Variants in SCN9A observed in about 807,000 individuals in gnomAD.
SCN9A encodes the protein sodium channel protein type 9 subunit alpha.
SCN9A carries 131 observed loss-of-function variants against 187.0 expected under a neutral mutation model. That is an observed-to-expected ratio of 0.70 (90% CI 0.61 to 0.81). SCN9A has a LOEUF of 0.81. Ranked by LOEUF, SCN9A falls within the 30% of genes least tolerant of loss-of-function variation. SCN9A has a pLI of 0.00. For synonymous variants in SCN9A, 809 were observed against 808.6 expected, an observed-to-expected ratio of 1.00 and a Z score of -0.01; for missense variants, 2,252 against 2,396.6, an observed-to-expected ratio of 0.94 and a Z score of 1.26.
At chr2:166,280,886 A>C (rs1697455438) in intron 13 of SCN9A, among the ~76,000 whole-genome samples, 1 of 152,166 alleles carries the variant, frequency 6.6e-6, no homozygotes. Context: ...TAAACAGGAG[A>C]ACTATGTTTC....
chr2:166,207,202 G>T (rs1693847964), intron 24 of SCN9A, among the ~76,000 whole-genome samples: 1 of 152,064 alleles, frequency 6.6e-6, no homozygotes, highest in East Asian at 1.9e-4. Flanking sequence ...TATTTTCAAG[G>T]ATTTATAGTT....
Position 166,311,715 on chromosome 2 carries a change from A to C in SCN9A, c.42T>G (p.His14Gln). 1 of 1,611,596 alleles carries C rather than the reference A, an allele frequency of 6.2e-7. No individual in the cohort carries two copies. Among genetic ancestry groups the C allele is most frequent in the Non-Finnish European group, 8.5e-7 (1 of 1,178,268 alleles). ...TGAGGGCAAGAGACTGTTTTGTGAA[A>C]TGGACAAAGCTCTGAGGTCCTGGGG... is the stretch of plus-strand genomic sequence containing the variant. The part of the protein sequence containing the change: ...LPPPGPQSFV[H>Q]FTKQSLALIE... The change falls in exon 2 of 27, where the codon CAT becomes CAG. Residue 14 changes from histidine (H) to glutamine (Q), a missense_variant. By Grantham distance (24) the His-to-Gln change is conservative. This residue lies in a region of SCN9A where 1,013 missense variants were observed against 997.4 expected (regional missense o/e 1.02). Transcript: ENST00000642356.
chr2:166,256,204 A>G (rs1004864637), intron 17 of SCN9A, among the ~76,000 whole-genome samples: 5 of 151,362 alleles, frequency 3.3e-5, no homozygotes, highest in African/African-American at 1.2e-4. Context: ...AAATGTGAAC[A>G]TTATCCTCTT....
chr2:166,235,472 T>C (rs1397580025), intron 20 of SCN9A, among the ~76,000 whole-genome samples: 1 of 152,146 alleles, frequency 6.6e-6, no homozygotes, highest in African/African-American at 2.4e-5. Context: ...TAAGTAGTTC[T>C]GAAATCTGAA....
Position 166,196,278 on chromosome 2 carries a change from T to A in SCN9A, c.*2394A>T, listed in dbSNP as rs1693245539. On this transcript the variant is annotated 3_prime_UTR_variant, in exon 27 of 27. Coordinates refer to ENST00000642356, the MANE Select transcript of SCN9A (RefSeq NM_001365536.1). ...TACTTAATAAGCTCTTTCTTCCAAA[T>A]ATTATTTTTAATTGATAAAAAGTCA... 6.6e-6 allele frequency: 1 copy of A among 152,130 alleles called. No homozygotes were observed. Among genetic ancestry groups the A allele is most frequent in the Non-Finnish European group, 1.5e-5 (1 of 68,024 alleles). 9.4% of individuals were successfully genotyped at this position (152,130 alleles called of 1,614,324 possible).
intron 24 of SCN9A, among the ~76,000 whole-genome samples, chr2:166,213,620 A>G (rs980752975): frequency 3.3e-5 from 5 of 152,160 alleles, no homozygotes; most frequent in Non-Finnish European, 5.9e-5. Flanking sequence ...AACTTTGAAG[A>G]GGAAAGAACA....
At chr2:166,362,229 TAACA>T (rs1387265409) in intron 1 of SCN9A, among the ~76,000 whole-genome samples, 1 of 152,064 alleles carries the variant, frequency 6.6e-6, no homozygotes, top group Non-Finnish European at 1.5e-5. Context: ...ATGAGTTTAC[TAACA>T]AACCTTTTGC....
At chr2:166,204,519 C>A (rs1025933763) in intron 24 of SCN9A, 55 bp from the exon 25 acceptor site, 3 of 1,093,302 alleles carry the variant, frequency 2.7e-6, no homozygotes, top group Admixed American at 2.3e-5. Context: ...TTGTCTACAT[C>A]TTTCTATAGA....
chr2:166,240,679 A>T (rs1695526880), intron 19 of SCN9A, among the ~76,000 whole-genome samples: 1 of 152,084 alleles, frequency 6.6e-6, no homozygotes, highest in African/African-American at 2.4e-5. Flanking sequence ...TTCTGATCAC[A>T]TTTTCTGTTT....
chr2:166,221,658 G>A (rs560813092), intron 24 of SCN9A, among the ~76,000 whole-genome samples: 61 of 152,224 alleles, frequency 4.0e-4, no homozygotes, highest in African/African-American at 1.4e-3. Flanking sequence ...TTAGCCTCCC[G>A]AGTTGCTGGG....
chr2:166,306,484 A>G, intron 4 of SCN9A, 26 bp downstream of exon 4: 1 of 1,242,292 alleles, frequency 8.0e-7, no homozygotes, highest in Non-Finnish European at 1.2e-6. Context: ...CCAAAACTAT[A>G]TTAAAATGTA....
chr2:166,214,146 C>T (rs1003795260), intron 24 of SCN9A, among the ~76,000 whole-genome samples: 11 of 152,016 alleles, frequency 7.2e-5, no homozygotes, highest in African/African-American at 2.7e-4. Context: ...TTTTGTAGAA[C>T]CCAACTTTTA....
chr2:166,349,104 G>C (rs1307393128), intron 1 of SCN9A, among the ~76,000 whole-genome samples: 1 of 150,708 alleles, frequency 6.6e-6, no homozygotes, highest in African/African-American at 2.5e-5. Context: ...TTCAGGATGG[G>C]CAACAAGAGC....
At chr2:166,292,903 C>T (rs772788998) in intron 9 of SCN9A, among the ~76,000 whole-genome samples, 5 of 152,080 alleles carry the variant, frequency 3.3e-5, no homozygotes, top group Non-Finnish European at 5.9e-5. Context: ...ATCCCAAGCA[C>T]GCATGGAAAA....
chr2:166,352,257 G>A (rs1324743007), intron 1 of SCN9A, among the ~76,000 whole-genome samples: 1 of 152,106 alleles, frequency 6.6e-6, no homozygotes, highest in Non-Finnish European at 1.5e-5. Context: ...CTGACTTATG[G>A]ATGATTCCCC....
At position 166,198,490 on chromosome 2, in the gene SCN9A, CA is replaced by C. The variant is rs1382290161; in HGVS notation, c.*181del. 8 of 560,070 alleles carry C rather than the reference CA, an allele frequency of 1.4e-5. No individual in the cohort carries two copies. In the African/African-American group the frequency reaches 1.5e-4, roughly 11 times the overall value. The allele number at this position is 560,070 out of a possible 1,614,324, so 34.7% of individuals were successfully genotyped here. ...TCTCTTACGATTCTTAAAGAATCAT[CA>C]GTGCAAAAATAACCATCTGCTAATG... On this transcript the variant is annotated 3_prime_UTR_variant, in exon 27 of 27. Transcript: ENST00000642356.
At position 166,294,910 on chromosome 2, in the gene SCN9A, CTTTATG is replaced by C; in HGVS notation, c.902-254_902-249del. ...AAAATCATTAGTTTTATGAGACCTCCTTTATGTTTAGGTGAGGGTGGAGGTTGTGGT... is the reference window on the plus strand; with the variant it reads ...AAAATCATTAGTTTTATGAGACCTCCTTTAGGTGAGGGTGGAGGTTGTGGT... On this transcript the variant is annotated intron_variant, in intron 7 of 26. Transcript: ENST00000642356. Among the ~76,000 whole-genome samples the C allele has an allele frequency of 2.0e-5, 3 of 152,148 alleles. No individual in the cohort carries two copies. In the East Asian group the frequency reaches 5.8e-4, roughly 29 times the overall value.
chr2:166,288,905 C>T (rs1697911184), intron 9 of SCN9A, among the ~76,000 whole-genome samples: 1 of 151,934 alleles, frequency 6.6e-6, no homozygotes, highest in African/African-American at 2.4e-5. Context: ...TGCATTTTTT[C>T]CTACAGTCTG....
chr2:166,347,955 C>G (rs1427624622), intron 1 of SCN9A, among the ~76,000 whole-genome samples: 1 of 152,062 alleles, frequency 6.6e-6, no homozygotes, highest in Non-Finnish European at 1.5e-5. Flanking sequence ...GGTGTCTAGT[C>G]ATATTTGAAT....
Sources: gnomAD v4.1 joint callset for allele counts (sites outside exome capture counted in the v4.1 genomes callset) on GRCh38, gnomAD v4.1.1 for gene constraint, gnomAD v4.1.1 regional missense constraint, MANE v1.5 for transcripts, NCBI Gene and HGNC (gene_info 2026-07-23, HGNC 2026-07-21) for gene names.